Variants in HAS3 observed in about 807,000 individuals in gnomAD.
HAS3 encodes the protein HA synthase 3.
A neutral mutation model predicts 50.3 loss-of-function variants in HAS3; 27 were observed. The observed-to-expected ratio is 0.54, with a 90% CI of 0.40 to 0.74. The LOEUF (loss-of-function observed/expected upper bound fraction) is 0.74, where lower values mean the gene tolerates loss of function less well. Ranked by LOEUF, HAS3 falls within the 30% of genes least tolerant of loss-of-function variation. The pLI is 0.00. For synonymous variants in HAS3, 339 were observed against 310.9 expected, an observed-to-expected ratio of 1.09 and a Z score of -0.95; for missense variants, 517 against 742.8, an observed-to-expected ratio of 0.70 and a Z score of 3.53.
At position 69,116,844 on chromosome 16, in the gene HAS3, C is replaced by T; in HGVS notation, c.*1578C>T. ...TGCTTGCCCTCCAAATGTCCTTTCT[C>T]AGAGGGGCCAGCTAACCCGTGCAGA... On this transcript the variant is annotated 3_prime_UTR_variant, in exon 4 of 4. Coordinates refer to ENST00000569188, the MANE Select transcript of HAS3 (RefSeq NM_001199280.2). 1.0e-6 allele frequency: 1 copy of T among 985,422 alleles called. No homozygotes were observed. Among genetic ancestry groups the T allele is most frequent in the Middle Eastern group, 5.2e-4 (1 of 1,914 alleles). The allele number at this position is 985,422 out of a possible 1,614,324, so 61.0% of individuals were successfully genotyped here.
upstream of HAS3, among the ~76,000 whole-genome samples, chr16:69,104,992 G>GGT (rs1567576954): frequency 4.5e-3 from 372 of 82,014 alleles, 12 homozygotes; most frequent in Non-Finnish European, 6.4e-3. Flanking sequence ...CTGTTTTTTG[G>GGT]TTTTTTTTTT....
At chr16:69,083,987 A>C in the HAS3 span, 19 of 187,454 alleles carry the variant, frequency 1.0e-4, no homozygotes, top group East Asian at 2.1e-3. Context: ...GAATTTCACT[A>C]ATTGCCCACT....
chr16:69,085,181 A>T, the HAS3 span: 1 of 152,334 alleles, frequency 6.6e-6, no homozygotes, highest in African/African-American at 2.4e-5. Flanking sequence ...GCCTTCCTTT[A>T]ACTAGACTCC....
the HAS3 span, among the ~76,000 whole-genome samples, chr16:69,099,071 C>G: frequency 6.8e-6 from 1 of 147,602 alleles, no homozygotes; most frequent in Non-Finnish European, 1.5e-5. Context: ...CCCGGCTTCA[C>G]GCCATTCTCC....
chr16:69,109,876 G>A lies in HAS3; in HGVS notation c.481G>A (p.Gly161Ser), dbSNP rs1752476608. 2 of 1,613,762 alleles carry A rather than the reference G, an allele frequency of 1.2e-6. No homozygotes were observed. Among genetic ancestry groups the A allele is most frequent in the African/African-American group, 1.3e-5 (1 of 74,950 alleles). Residue 161 changes from glycine to serine, a missense_variant, in exon 2 of 4, where the codon GGT (glycine) becomes AGT (serine). By Grantham distance (56) the Gly-to-Ser change is moderately conservative. Transcript: ENST00000569188. This position sits in a 1 kb window ranked among gnomAD's most constrained non-coding sequence, Gnocchi z 5.3. ...CAGCAACTTCCATGAGGCAGGCGAGGGTGAGACGGAGGCCAGCCTGCAGGA... is the reference window on the plus strand; with the variant it reads ...CAGCAACTTCCATGAGGCAGGCGAGAGTGAGACGGAGGCCAGCCTGCAGGA... ...WRSNFHEAGE[G>S]ETEASLQEGM...
In HAS3 at chr16:69,116,057, T is replaced by C; in HGVS notation, c.*791T>C. On this transcript the variant is annotated 3_prime_UTR_variant, in exon 4 of 4. Coordinates refer to ENST00000569188, the MANE Select transcript of HAS3 (RefSeq NM_001199280.2). The stretch of plus-strand genomic sequence containing the variant: ...AGATGGGTTCTTAGCTTGTCTGTGA[T>C]CTCTGCTGGGGAGATAAAAAGATTA... 1.0e-6 allele frequency: 1 copy of C among 985,712 alleles called. No homozygotes were observed. The allele number at this position is 985,712 out of a possible 1,614,324, so 61.1% of individuals were successfully genotyped here.
At chr16:69,085,579 TTCTTC>T in the HAS3 span, among the ~76,000 whole-genome samples, 2 of 150,456 alleles carry the variant, frequency 1.3e-5, no homozygotes, top group African/African-American at 4.9e-5. Flanking sequence ...ATTGATCTAT[TTCTTC>T]TTTCTTTCTT....
upstream of HAS3, among the ~76,000 whole-genome samples, chr16:69,102,890 G>A (rs1286010293): frequency 6.6e-6 from 1 of 152,168 alleles, no homozygotes; most frequent in Non-Finnish European, 1.5e-5. Context: ...GAGGACGGAA[G>A]GGATCCTTCC....
the HAS3 span, chr16:69,083,702 C>T: frequency 6.5e-7 from 1 of 1,535,388 alleles, no homozygotes. Flanking sequence ...CAGGGCCAGG[C>T]ACCCAGAGCC....
the HAS3 span, among the ~76,000 whole-genome samples, chr16:69,085,362 A>G: frequency 3.0e-4 from 46 of 152,284 alleles, no homozygotes; most frequent in African/African-American, 1.1e-3. Flanking sequence ...GAAGCATCCT[A>G]GTACCTTTAT....
the HAS3 span, among the ~76,000 whole-genome samples, chr16:69,096,246 G>T: frequency 2.7e-5 from 4 of 149,340 alleles, no homozygotes; most frequent in African/African-American, 9.8e-5. Context: ...GAATTGTGGG[G>T]ACATGGCTGG....
chr16:69,113,458 T>G lies in HAS3; in HGVS notation c.654T>G (p.Thr218=). The part of the protein sequence containing the change: ...VDYIQVCDSD[T]VLDPACTIEM... ...CTCTGCAGGTGTGCGACTCTGACAC[T>G]GTGCTGGATCCAGCCTGCACCATCG... The change falls in exon 3 of 4, where the codon ACT becomes ACG. Residue 218 remains threonine, a synonymous_variant. Coordinates refer to ENST00000569188, the MANE Select transcript of HAS3 (RefSeq NM_001199280.2). 1.9e-6 allele frequency: 3 copies of G among 1,613,554 alleles called. No homozygotes were observed. Among genetic ancestry groups the G allele is most frequent in the Non-Finnish European group, 2.5e-6 (3 of 1,179,572 alleles).
chr16:69,093,268 T>A, the HAS3 span, among the ~76,000 whole-genome samples: 1 of 152,322 alleles, frequency 6.6e-6, no homozygotes, highest in African/African-American at 2.4e-5. Flanking sequence ...TGGAGTGCAG[T>A]GGCGCAATCT....
the HAS3 span, among the ~76,000 whole-genome samples, chr16:69,098,665 T>TTTTG: frequency 2.9e-5 from 4 of 137,246 alleles, no homozygotes; most frequent in African/African-American, 1.1e-4. Context: ...AAACCTGATT[T>TTTTG]TTTTTTTTTT....
the HAS3 span, among the ~76,000 whole-genome samples, chr16:69,087,249 C>A: frequency 3.9e-5 from 6 of 152,252 alleles, no homozygotes; most frequent in Non-Finnish European, 5.9e-5. Context: ...TCCACCACCC[C>A]CTTGCTCTAC....
the HAS3 span, among the ~76,000 whole-genome samples, chr16:69,093,523 CTTTTTTT>C: frequency 8.0e-5 from 7 of 87,436 alleles, no homozygotes; most frequent in African/African-American, 1.4e-4. Context: ...TACAGTGTAT[CTTTTTTT>C]TTTTTTTTTT....
At chr16:69,118,323 G>T, downstream of HAS3, 1 of 1,324,314 alleles carries the variant, frequency 7.6e-7, no homozygotes, top group South Asian at 1.2e-5. Flanking sequence ...TTTCTTTGAA[G>T]TGGTTGTCCA....
At chr16:69,104,737 C>T (rs2152253213), upstream of HAS3, among the ~76,000 whole-genome samples, 1 of 152,218 alleles carries the variant, frequency 6.6e-6, no homozygotes, top group East Asian at 1.9e-4. Context: ...AGCCACTGTG[C>T]CTGGCCAATA....
At chr16:69,103,160 C>T (rs1055720907), upstream of HAS3, among the ~76,000 whole-genome samples, 1 of 152,214 alleles carries the variant, frequency 6.6e-6, no homozygotes, top group Non-Finnish European at 1.5e-5. Context: ...CCTCCCTCCA[C>T]AGGGAGATGA....
Sources: allele counts gnomAD v4.1 joint callset (sites outside exome capture counted in the v4.1 genomes callset), GRCh38; gene constraint gnomAD v4.1.1; non-coding constraint Gnocchi (gnomAD v3.1); transcripts MANE v1.5; gene names NCBI Gene and HGNC (gene_info 2026-07-23, HGNC 2026-07-21).